Variants in IQSEC1 observed in about 807,000 individuals in gnomAD.
The protein encoded by IQSEC1 is IQ motif and Sec7 domain ArfGEF 1, also known as IQ motif and SEC7 domain-containing protein 1.
In IQSEC1, 31 loss-of-function variants were observed where a neutral mutation model predicts 91.0. The observed-to-expected ratio is 0.34, with a 90% CI of 0.26 to 0.46. IQSEC1 has a LOEUF of 0.46. Ranked by LOEUF, IQSEC1 falls within the 20% of genes least tolerant of loss-of-function variation. IQSEC1 has a pLI of 1.00. For synonymous variants in IQSEC1, 699 were observed against 662.6 expected (o/e 1.05, Z -0.84); for missense variants, 1,388 against 1,575.6 (o/e 0.88, Z 2.02).
At chr3:13,099,186 G>T (rs1264284600) in intron 2 of IQSEC1, among the ~76,000 whole-genome samples, 16 of 152,156 alleles carry the variant, frequency 1.1e-4, no homozygotes, top group Admixed American at 3.3e-4. Flanking sequence ...TAGCCCTGGG[G>T]GCCATAGCCC....
chr3:12,935,427 G>T lies in IQSEC1; in HGVS notation c.1568+21C>A. ...AGCAAGCCACAGCTGCCCACCCTGA[G>T]GGGTCACCCATGGTACTCACTTGTT... On this transcript the variant is annotated intron_variant, in intron 3 of 13. Coordinates refer to ENST00000613206, the MANE Select transcript of IQSEC1 (RefSeq NM_001134382.3). The surrounding 1 kb of genome is among the most constrained non-coding windows in gnomAD (Gnocchi z 8.0). 1 of 1,592,810 alleles carries T rather than the reference G, an allele frequency of 6.3e-7. No individual in the cohort carries two copies.
intron 2 of IQSEC1, among the ~76,000 whole-genome samples, chr3:13,134,257 C>T (rs1364899597): frequency 6.6e-6 from 1 of 152,182 alleles, no homozygotes; most frequent in Non-Finnish European, 1.5e-5. Flanking sequence ...GGCGAGGCAT[C>T]CCACAGGCCA....
At chr3:13,040,699 GAC>G (rs1190929603) in intron 1 of IQSEC1, among the ~76,000 whole-genome samples, 1 of 152,194 alleles carries the variant, frequency 6.6e-6, no homozygotes, top group African/African-American at 2.4e-5. Context: ...ATGACCCAAA[GAC>G]ACCCTTCCCT....
intron 1 of IQSEC1, among the ~76,000 whole-genome samples, chr3:13,236,319 G>A (rs1168773373): frequency 1.3e-5 from 2 of 152,198 alleles, no homozygotes; most frequent in African/African-American, 2.4e-5. Flanking sequence ...GCCAACTGGG[G>A]TGAAGCACAC....
At chr3:12,963,178 C>A (rs905375701) in intron 1 of IQSEC1, among the ~76,000 whole-genome samples, 2 of 152,228 alleles carry the variant, frequency 1.3e-5, no homozygotes, top group Admixed American at 6.5e-5. Context: ...AGTGTCTCAT[C>A]TTTAGAAACA....
chr3:12,993,915 G>C (rs369896815), intron 1 of IQSEC1, among the ~76,000 whole-genome samples: 2 of 151,116 alleles, frequency 1.3e-5, no homozygotes, highest in Non-Finnish European at 3.0e-5. Flanking sequence ...CGCGCCCCAG[G>C]TTCCCGAGAG....
intron 3 of IQSEC1, among the ~76,000 whole-genome samples, chr3:12,927,545 CTCTT>C (rs1697268868): frequency 6.6e-6 from 1 of 152,214 alleles, no homozygotes; most frequent in Non-Finnish European, 1.5e-5. Context: ...TCTGCCGCTG[CTCTT>C]TTTTTGCCCC....
In IQSEC1 at chr3:13,222,261, C is replaced by T. The variant is rs981018432; in HGVS notation, c.273-58128G>A. 3.3e-5 allele frequency among the ~76,000 whole-genome samples: 5 copies of T among 151,782 alleles called. No homozygotes were observed. In the South Asian group the frequency reaches 8.3e-4, roughly 25 times the overall value. ...TTTGTCCTTTTGTGGCCGGCTCATT[C>T]ACTAGCATCCTGTCGTCCAGGTTCA... On this transcript the variant is annotated intron_variant, in intron 1 of 15. Transcript: ENST00000648114.
chr3:13,170,806 T>C (rs1693592245), intron 1 of IQSEC1, among the ~76,000 whole-genome samples: 1 of 152,158 alleles, frequency 6.6e-6, no homozygotes, highest in Non-Finnish European at 1.5e-5. Flanking sequence ...TTGGAGTCTT[T>C]AGAAAGCCTT....
chr3:12,957,661 G>A (rs1190124228), intron 1 of IQSEC1, among the ~76,000 whole-genome samples: 6 of 152,242 alleles, frequency 3.9e-5, no homozygotes, highest in Non-Finnish European at 2.9e-5. Context: ...TGCCCATCGC[G>A]CAGAAGGCCT....
rs916335198 is a variant in IQSEC1 at position 13,207,947 on chromosome 3, A to G, written c.273-43814T>C. On this transcript the variant is annotated intron_variant, in intron 1 of 15. Coordinates refer to the IQSEC1 transcript ENST00000648114. This position sits in a 1 kb window ranked among gnomAD's most constrained non-coding sequence, Gnocchi z 4.8. ...GCTTTGTCACTACAGAACCCCCAGC[A>G]TGGCACATAGCAGTTGCTCAACAAA... Among the ~76,000 whole-genome samples, 9 of 152,192 alleles carry G rather than the reference A, an allele frequency of 5.9e-5. No homozygotes were observed. The highest frequency in any genetic ancestry group is 7.3e-5 in the Non-Finnish European group (5 of 68,032).
Position 13,206,082 on chromosome 3 carries a change from C to T in IQSEC1, c.273-41949G>A, listed in dbSNP as rs77044201. ...CCTCCCACCCATCTATCTCTCCATC[C>T]GGTCAACCATTCCTCCATCCACCCA... On this transcript the variant is annotated intron_variant, in intron 1 of 15. Transcript: ENST00000648114. Among the ~76,000 whole-genome samples, 22 of 150,298 alleles carry T rather than the reference C, an allele frequency of 1.5e-4. No individual in the cohort carries two copies. In the East Asian group the frequency reaches 2.2e-3, roughly 15 times the overall value.
In IQSEC1 at chr3:12,981,870, C is replaced by T. The variant is rs534950455; in HGVS notation, c.24-40005G>A. On this transcript the variant is annotated intron_variant, in intron 1 of 13. Transcript: ENST00000613206. ...GACCAGCCCGCATCCTCTTCCCCAT[C>T]TGCACCCTGAGCACTTGCCTCCTGG... 5.3e-5 allele frequency among the ~76,000 whole-genome samples: 8 copies of T among 152,342 alleles called. No individual in the cohort carries two copies. In the South Asian group the frequency reaches 8.3e-4, roughly 16 times the overall value.
chr3:13,241,117 C>T (rs571913977), intron 1 of IQSEC1, among the ~76,000 whole-genome samples: 7 of 152,296 alleles, frequency 4.6e-5, no homozygotes, highest in East Asian at 1.9e-4. Context: ...CTCATGTCCA[C>T]GGGCCCACTG....
chr3:13,060,773 G>A (rs560968994), intron 1 of IQSEC1, among the ~76,000 whole-genome samples: 4 of 152,282 alleles, frequency 2.6e-5, no homozygotes, highest in Admixed American at 6.5e-5. Flanking sequence ...TGGAGGAGGC[G>A]GCTGCCGTGA....
At chr3:13,143,637 A>G (rs1285493753) in intron 2 of IQSEC1, among the ~76,000 whole-genome samples, 1 of 152,192 alleles carries the variant, frequency 6.6e-6, no homozygotes, top group Non-Finnish European at 1.5e-5. Flanking sequence ...CATGTGACCA[A>G]TCAGGTGGTG....
chr3:13,274,639 A>C (rs1008126994), intron 1 of IQSEC1, among the ~76,000 whole-genome samples: 1 of 152,212 alleles, frequency 6.6e-6, no homozygotes, highest in Non-Finnish European at 1.5e-5. Flanking sequence ...TGAAGACGTG[A>C]ACAGCAACTT....
intron 1 of IQSEC1, among the ~76,000 whole-genome samples, chr3:13,051,714 G>T (rs1704698412): frequency 6.6e-6 from 1 of 152,172 alleles, no homozygotes; most frequent in Admixed American, 6.5e-5. Context: ...GCTGGAACTG[G>T]TGGTCATCCC....
chr3:13,075,757 C>A (rs753176299), upstream of IQSEC1, among the ~76,000 whole-genome samples: 2 of 152,192 alleles, frequency 1.3e-5, no homozygotes, highest in Non-Finnish European at 2.9e-5. Flanking sequence ...CCTGCACTGG[C>A]GCGGTTTTGA....
Sources: allele counts gnomAD v4.1 joint callset (sites outside exome capture counted in the v4.1 genomes callset), GRCh38; gene constraint gnomAD v4.1.1; non-coding constraint Gnocchi (gnomAD v3.1); transcripts MANE v1.5; gene names NCBI Gene and HGNC (gene_info 2026-07-23, HGNC 2026-07-21).